Variants in VEGFC observed in about 807,000 individuals in gnomAD.
The protein encoded by VEGFC is FLT4 ligand DHM.
Under a neutral mutation model 46.1 loss-of-function variants are expected in VEGFC, and 12 were observed. That is an observed-to-expected ratio of 0.26 (90% CI 0.17 to 0.42). The LOEUF is 0.42. Ranked by LOEUF, VEGFC falls within the 10% of genes least tolerant of loss-of-function variation. VEGFC has a pLI of 1.00. For synonymous variants in VEGFC, 232 were observed against 195.5 expected, an observed-to-expected ratio of 1.19 and a Z score of -1.56; for missense variants, 488 against 529.4, an observed-to-expected ratio of 0.92 and a Z score of 0.77.
chr4:176,743,381 G>A (rs1735207932), intron 1 of VEGFC, among the ~76,000 whole-genome samples: 5 of 151,748 alleles, frequency 3.3e-5, no homozygotes, highest in African/African-American at 1.2e-4. Flanking sequence ...CTGAAATAAT[G>A]TCCAATAAAA....
rs139485047 is a variant in VEGFC, at chr4:176,718,476, C to T, written c.553-6826G>A. ...AACATCCAACTTAAATATAATCGAGCATGTCTTTGTTAATATACATGCTCA... is the reference window on the plus strand; with the variant it reads ...AACATCCAACTTAAATATAATCGAGTATGTCTTTGTTAATATACATGCTCA... On this transcript the variant is annotated intron_variant, in intron 3 of 6. Transcript: ENST00000618562. Among the ~76,000 whole-genome samples, 307 of 152,112 alleles carry T rather than the reference C, an allele frequency of 2.0e-3. 9 individuals carry two copies. The East Asian group carries it at 0.048, about 24-fold the overall frequency.
chr4:176,692,824 C>T (rs555999057), intron 4 of VEGFC, among the ~76,000 whole-genome samples: 1 of 146,670 alleles, frequency 6.8e-6, no homozygotes, highest in Admixed American at 6.7e-5. Flanking sequence ...TGACCCCTGA[C>T]CCCCGAGCAG....
chr4:176,711,734 G>A, intron 3 of VEGFC, 84 bp from the exon 4 acceptor site: 1 of 1,410,258 alleles, frequency 7.1e-7, no homozygotes, highest in Admixed American at 1.8e-5. Flanking sequence ...CCGAAAAAGA[G>A]TGAGATTAGC....
At chr4:176,715,387 A>G (rs1163140173) in intron 3 of VEGFC, among the ~76,000 whole-genome samples, 1 of 152,194 alleles carries the variant, frequency 6.6e-6, no homozygotes, top group African/African-American at 2.4e-5. Flanking sequence ...GATAATATTA[A>G]AAGTAGAAAG....
chr4:176,755,096 G>A (rs1735410233), intron 1 of VEGFC, among the ~76,000 whole-genome samples: 1 of 151,924 alleles, frequency 6.6e-6, no homozygotes, highest in African/African-American at 2.4e-5. Context: ...TCATCTGTTG[G>A]TTCCAATTCG....
chr4:176,749,899 A>G (rs1735314156), intron 1 of VEGFC, among the ~76,000 whole-genome samples: 1 of 151,760 alleles, frequency 6.6e-6, no homozygotes, highest in African/African-American at 2.4e-5. Context: ...ACTATATTCT[A>G]TAACATATTG....
In VEGFC at chr4:176,757,061, T is replaced by C. The variant is rs549082684; in HGVS notation, c.148-27315A>G. Among the ~76,000 whole-genome samples the C allele has an allele frequency of 5.5e-4, 84 of 152,172 alleles. 1 individual carries two copies. Among genetic ancestry groups the C allele is most frequent in the Middle Eastern group, 3.4e-3 (1 of 294 alleles). ...CACTCAGTAGATGGTAGCTAGACAA[T>C]AATGCTTGGTGGCTAGAAAAGAGAA... On this transcript the variant is annotated intron_variant, in intron 1 of 6. Transcript: ENST00000618562.
At chr4:176,751,044 T>C (rs1219268344) in intron 1 of VEGFC, among the ~76,000 whole-genome samples, 1 of 151,740 alleles carries the variant, frequency 6.6e-6, no homozygotes, top group South Asian at 2.1e-4. Flanking sequence ...ATAAATGAAA[T>C]ACATTTATTA....
At chr4:176,707,281 T>C (rs1276859864) in intron 4 of VEGFC, among the ~76,000 whole-genome samples, 1 of 152,234 alleles carries the variant, frequency 6.6e-6, no homozygotes, top group Non-Finnish European at 1.5e-5. Flanking sequence ...TTAATGCCCA[T>C]TGGTGACATA....
chr4:176,772,939 C>T lies in VEGFC; in HGVS notation c.147+19226G>A, dbSNP rs944222133. 2.6e-5 allele frequency among the ~76,000 whole-genome samples: 4 copies of T among 152,284 alleles called. 1 individual carries two copies. The highest frequency in any genetic ancestry group is 4.1e-4 in the South Asian group (2 of 4,830). ...ATTTACAGCAACATAAAACAGACCACGATACCTACCCAAAGTACATTCATT... is the reference window on the plus strand; with the variant it reads ...ATTTACAGCAACATAAAACAGACCATGATACCTACCCAAAGTACATTCATT... On this transcript the variant is annotated intron_variant, in intron 1 of 6. Transcript: ENST00000618562.
intron 1 of VEGFC, among the ~76,000 whole-genome samples, chr4:176,791,346 G>A (rs2333529): frequency 0.71 from 108,008 of 152,112 alleles, 44,217 homozygotes; most frequent in East Asian, 0.99. Context: ...ATACTCTTTT[G>A]GAAGAGCCAG....
chr4:176,714,274 G>T (rs1734663402), intron 3 of VEGFC, among the ~76,000 whole-genome samples: 1 of 152,104 alleles, frequency 6.6e-6, no homozygotes, highest in South Asian at 2.1e-4. Flanking sequence ...GCTAGAGCTG[G>T]TTGTTTAAAG....
intron 4 of VEGFC, among the ~76,000 whole-genome samples, chr4:176,702,404 C>T (rs953921398): frequency 1.3e-5 from 2 of 152,024 alleles, no homozygotes; most frequent in African/African-American, 4.8e-5. Context: ...TGAAATAATA[C>T]CTATCTTCTA....
intron 2 of VEGFC, 93 bp downstream of exon 2, chr4:176,729,440 G>T: frequency 5.0e-6 from 5 of 1,005,630 alleles, no homozygotes; most frequent in East Asian, 2.7e-5. Context: ...AGGTGTATTC[G>T]GTGATACAAA....
intron 4 of VEGFC, among the ~76,000 whole-genome samples, chr4:176,699,773 T>C (rs2110984333): frequency 6.6e-6 from 1 of 152,362 alleles, no homozygotes; most frequent in Admixed American, 6.5e-5. Context: ...CGTTATTAAG[T>C]AACTTCTTCA....
At chr4:176,781,188 A>G (rs942366386) in intron 1 of VEGFC, among the ~76,000 whole-genome samples, 1 of 152,246 alleles carries the variant, frequency 6.6e-6, no homozygotes, top group Non-Finnish European at 1.5e-5. Flanking sequence ...GCATGGACAG[A>G]CACCAAAATT....
intron 1 of VEGFC, among the ~76,000 whole-genome samples, chr4:176,733,555 A>C (rs1051774266): frequency 5.3e-5 from 8 of 151,848 alleles, no homozygotes; most frequent in African/African-American, 1.9e-4. Flanking sequence ...TTAATAGGCA[A>C]ATCTACAGGG....
chr4:176,743,867 T>C (rs1412873329), intron 1 of VEGFC, among the ~76,000 whole-genome samples: 1 of 152,030 alleles, frequency 6.6e-6, no homozygotes, highest in East Asian at 1.9e-4. Context: ...AAACAAATAT[T>C]GTTTCTGTCC....
intron 1 of VEGFC, among the ~76,000 whole-genome samples, chr4:176,774,841 AAG>A (rs1735788831): frequency 6.6e-6 from 1 of 151,982 alleles, no homozygotes; most frequent in Non-Finnish European, 1.5e-5. Flanking sequence ...AAAAAAAAAA[AAG>A]AACTTATGCT....
Sources: gnomAD v4.1 joint callset for allele counts (sites outside exome capture counted in the v4.1 genomes callset) on GRCh38, gnomAD v4.1.1 for gene constraint, MANE v1.5 for transcripts, NCBI Gene and HGNC (gene_info 2026-07-23, HGNC 2026-07-21) for gene names.